The following GOPC variants were observed in gnomAD, a reference collection of about 807,000 sequenced individuals.
GOPC encodes golgi associated PDZ and coiled-coil motif containing, also known as Golgi-associated PDZ and coiled-coil motif-containing protein.
A neutral mutation model predicts 51.2 loss-of-function variants in GOPC; 32 were observed. That is an observed-to-expected ratio of 0.63 (90% CI 0.47 to 0.84). The LOEUF is 0.84. Ranked by LOEUF, GOPC falls within the 40% of genes least tolerant of loss-of-function variation. The pLI is 0.00. For synonymous variants in GOPC, 190 were observed against 205.1 expected, an observed-to-expected ratio of 0.93 and a Z score of 0.63; for missense variants, 441 against 555.5, an observed-to-expected ratio of 0.79 and a Z score of 2.07.
intron 4 of GOPC, 118 bp from the exon 5 acceptor site, chr6:117,573,750 TACTC>T (rs780339308): frequency 4.2e-4 from 326 of 772,876 alleles, no homozygotes; most frequent in African/African-American, 1.3e-3. Flanking sequence ...ATAAAACTAA[TACTC>T]ACGAACTTCT....
chr6:117,590,571 CAA>C (rs563071906), intron 1 of GOPC, among the ~76,000 whole-genome samples: 11 of 69,496 alleles, frequency 1.6e-4, no homozygotes, highest in Admixed American at 3.3e-4. Context: ...GACCCTGTCT[CAA>C]AAAAAAAAAA....
chr6:117,600,864 C>T (rs774804486), intron 1 of GOPC, among the ~76,000 whole-genome samples: 1 of 152,156 alleles, frequency 6.6e-6, no homozygotes, highest in South Asian at 2.1e-4. Context: ...TAACAGTTCT[C>T]GCAGTGGAGA....
Position 117,602,151 on chromosome 6 carries a change from C to A in GOPC, c.138G>T (p.Val46=). The A allele has an allele frequency of 6.2e-7, 1 of 1,614,122 alleles. No individual in the cohort carries two copies. Among genetic ancestry groups the A allele is most frequent in the South Asian group, 1.1e-5 (1 of 91,082 alleles). The part of the protein sequence containing the change: ...VLEKEFDKAF[V]DVDLLLGEID... ...TCTCTCCCAGGAGCAGATCCACATC[C>A]ACAAAAGCTTTGTCGAACTCCTTCT... The change falls in exon 1 of 9, where the codon GTG becomes GTT. Residue 46 remains valine, a synonymous_variant. Coordinates refer to ENST00000368498, the MANE Select transcript of GOPC (RefSeq NM_020399.4).
At chr6:117,578,106 A>G (rs748556196) in intron 2 of GOPC, among the ~76,000 whole-genome samples, 1 of 152,162 alleles carries the variant, frequency 6.6e-6, no homozygotes, top group African/African-American at 2.4e-5. Flanking sequence ...TGTGGTACAC[A>G]GTGGCAGGAA....
chr6:117,596,734 C>G (rs2114630284), intron 1 of GOPC, among the ~76,000 whole-genome samples: 2 of 152,292 alleles, frequency 1.3e-5, no homozygotes, highest in Admixed American at 1.3e-4. Context: ...GTTCTCTATT[C>G]TGTTGCATTT....
In GOPC at chr6:117,602,300, G is replaced by A; in HGVS notation, c.-12C>T. On this transcript the variant is annotated 5_prime_UTR_variant, in exon 1 of 9. Transcript: ENST00000368498. ...CCGCCCGCCGACATGGCGCCGTCAA[G>A]GGCCTCTCCCGACTGCTGAAGACCC... 2 of 1,578,854 alleles carry A rather than the reference G, an allele frequency of 1.3e-6. No homozygotes were observed. Among genetic ancestry groups the A allele is most frequent in the Non-Finnish European group, 1.7e-6 (2 of 1,170,260 alleles).
chr6:117,571,375 A>C (rs1265854940), intron 5 of GOPC, among the ~76,000 whole-genome samples: 3 of 152,082 alleles, frequency 2.0e-5, no homozygotes, highest in Non-Finnish European at 2.9e-5. Flanking sequence ...TTACTTATAC[A>C]TTCCTTGGTG....
rs1382543450 is a variant in GOPC, at chr6:117,602,486, G to A, written c.-198C>T. 6 of 600,358 alleles carry A rather than the reference G, an allele frequency of 1.0e-5. No homozygotes were observed. The highest frequency in any genetic ancestry group is 1.5e-5 in the Non-Finnish European group (5 of 340,966). 37.2% of individuals were successfully genotyped at this position (600,358 alleles called of 1,614,324 possible). Reference sequence around the variant, plus strand: ...CTGAAGCTGAGGCGGCAACGGCGGCGACACACGGAAGACTCAGTCAGTCCC... The same window carrying A: ...CTGAAGCTGAGGCGGCAACGGCGGCAACACACGGAAGACTCAGTCAGTCCC... On this transcript the variant is annotated 5_prime_UTR_variant, in exon 1 of 9. Transcript: ENST00000368498.
chr6:117,567,393 G>T (rs1292335676), intron 7 of GOPC, among the ~76,000 whole-genome samples: 1 of 152,102 alleles, frequency 6.6e-6, no homozygotes, highest in African/African-American at 2.4e-5. Flanking sequence ...CAGCAATTCA[G>T]CAAATACATC....
chr6:117,588,628 A>G (rs2114623165), intron 1 of GOPC, among the ~76,000 whole-genome samples: 1 of 152,168 alleles, frequency 6.6e-6, no homozygotes, highest in Admixed American at 6.5e-5. Flanking sequence ...CTTCTAAAAC[A>G]TTTTTTGGTT....
chr6:117,600,231 C>T (rs1771974218), intron 1 of GOPC, among the ~76,000 whole-genome samples: 1 of 152,166 alleles, frequency 6.6e-6, no homozygotes, highest in South Asian at 2.1e-4. Context: ...AGCATGCTAA[C>T]ATGCTTACTC....
At chr6:117,600,045 C>T (rs1771970355) in intron 1 of GOPC, among the ~76,000 whole-genome samples, 1 of 152,072 alleles carries the variant, frequency 6.6e-6, no homozygotes, top group African/African-American at 2.4e-5. Context: ...TTTCTTATAA[C>T]AGAATACCAG....
intron 1 of GOPC, among the ~76,000 whole-genome samples, chr6:117,595,147 T>C (rs1384775975): frequency 1.3e-5 from 2 of 152,156 alleles, no homozygotes; most frequent in African/African-American, 4.8e-5. Flanking sequence ...AGAATTCTCA[T>C]TGGTTTACAA....
At chr6:117,596,644 A>G (rs1780202105) in intron 1 of GOPC, among the ~76,000 whole-genome samples, 1 of 152,202 alleles carries the variant, frequency 6.6e-6, no homozygotes, top group African/African-American at 2.4e-5. Flanking sequence ...TTTGTTGAAT[A>G]GGGTGTCCTT....
chr6:117,566,309 C>A (rs552799781), intron 8 of GOPC, among the ~76,000 whole-genome samples: 1 of 152,278 alleles, frequency 6.6e-6, no homozygotes, highest in South Asian at 2.1e-4. Context: ...CAGAGATCCA[C>A]AGATCACAAT....
At chr6:117,598,543 TG>T (rs2114631861) in intron 1 of GOPC, among the ~76,000 whole-genome samples, 1 of 152,128 alleles carries the variant, frequency 6.6e-6, no homozygotes, top group South Asian at 2.1e-4. Context: ...CAGGACAGCG[TG>T]GGGATGGTTT....
intron 1 of GOPC, among the ~76,000 whole-genome samples, chr6:117,590,331 G>A (rs543502296): frequency 1.3e-5 from 2 of 152,126 alleles, no homozygotes; most frequent in Non-Finnish European, 2.9e-5. Flanking sequence ...AGCACTTTGG[G>A]AGCCCAAGGC....
In GOPC at chr6:117,602,210, C is replaced by A; in HGVS notation, c.79G>T (p.Gly27Trp). Residue 27 changes from glycine to tryptophan, a missense_variant, in exon 1 of 9, where the codon GGG (glycine) becomes TGG (tryptophan). By Grantham distance (184) the Gly-to-Trp change is radical (BLOSUM62 -2). Around this residue, in one of 3 missense-constraint regions of GOPC, gnomAD observed 204 missense variants for 219.8 expected, o/e 0.93. Transcript: ENST00000368498. ...TCCAGCCACCGGAACATGGATACCC[C>A]GCCAGGGGCCCCCACGGAGCAGGAG... ...GASCSVGAPGGVSMFRWLEVL... is the reference protein window; with the variant it reads ...GASCSVGAPGWVSMFRWLEVL... The A allele has an allele frequency of 6.2e-7, 1 of 1,608,854 alleles. No individual in the cohort carries two copies.
In GOPC at chr6:117,561,287, A is replaced by C. The variant is rs964518992; in HGVS notation, c.*1967T>G. On this transcript the variant is annotated 3_prime_UTR_variant, in exon 9 of 9. Coordinates refer to ENST00000368498, the MANE Select transcript of GOPC (RefSeq NM_020399.4). Reference sequence around the variant, plus strand: ...GTTTTAAAAAACCACCTCTTCATACACTTATTCGGTAGTTCTTGAAAATCA... The same window carrying C: ...GTTTTAAAAAACCACCTCTTCATACCCTTATTCGGTAGTTCTTGAAAATCA... The C allele has an allele frequency of 4.5e-6, 1 of 224,136 alleles. No homozygotes were observed. The highest frequency in any genetic ancestry group is 8.9e-6 in the Non-Finnish European group (1 of 112,478). 13.9% of individuals were successfully genotyped at this position (224,136 alleles called of 1,614,324 possible).
Sources: gnomAD v4.1 joint callset for allele counts (sites outside exome capture counted in the v4.1 genomes callset) on GRCh38, gnomAD v4.1.1 for gene constraint, gnomAD v4.1.1 regional missense constraint, MANE v1.5 for transcripts, NCBI Gene and HGNC (gene_info 2026-07-23, HGNC 2026-07-21) for gene names.